Variants in PALM2AKAP2 observed in about 807,000 individuals in gnomAD.
The protein encoded by PALM2AKAP2 is PALM2-AKAP2 fusion protein.
In PALM2AKAP2, 37 loss-of-function variants were observed where a neutral mutation model predicts 71.5. The ratio of observed to expected loss-of-function variants is 0.52; its 90% CI spans 0.40 to 0.68. The LOEUF is 0.68. Ranked by LOEUF, PALM2AKAP2 falls within the 30% of genes least tolerant of loss-of-function variation. The pLI is 0.00. For missense variants in PALM2AKAP2, 1,224 were observed against 1,191.8 expected, an observed-to-expected ratio of 1.03 and a Z score of -0.40; for synonymous variants, 468 against 478.8, an observed-to-expected ratio of 0.98 and a Z score of 0.29.
intron 1 of PALM2AKAP2, among the ~76,000 whole-genome samples, chr9:110,066,886 A>G (rs1318980720): frequency 6.6e-6 from 1 of 152,126 alleles, no homozygotes; most frequent in Non-Finnish European, 1.5e-5. Flanking sequence ...GCAGGTATTC[A>G]TGATGCCTGT....
chr9:109,960,070 C>T (rs1831825363), intron 6 of PALM2AKAP2, among the ~76,000 whole-genome samples: 2 of 152,130 alleles, frequency 1.3e-5, no homozygotes, highest in Admixed American at 6.5e-5. Flanking sequence ...ACCTTAGTTC[C>T]CACTGATTCC....
At chr9:110,136,889 C>G (rs776011217) in exon 2 of PALM2AKAP2, 2 of 1,614,116 alleles carry the variant, frequency 1.2e-6, no homozygotes, top group South Asian at 2.2e-5. Flanking sequence ...GATGCTGGAG[C>G]TGGAAAAGGA....
intron 6 of PALM2AKAP2, among the ~76,000 whole-genome samples, chr9:109,988,964 C>G (rs1451483217): frequency 6.6e-6 from 1 of 152,172 alleles, no homozygotes; most frequent in Non-Finnish European, 1.5e-5. Flanking sequence ...CTCTCATTCT[C>G]TCTTGTCTGC....
chr9:109,895,843 A>C lies in PALM2AKAP2; in HGVS notation c.257+15162A>C, dbSNP rs142203486. ...AACTTACAATCATGGCAGAAGGGGA[A>C]GCAAACACATCCTTCTTTACATGGC... On this transcript the variant is annotated intron_variant, in intron 3 of 9. Transcript: ENST00000302798. Among the ~76,000 whole-genome samples the C allele has an allele frequency of 4.5e-3, 690 of 152,250 alleles. 7 individuals are homozygous for C. The highest frequency in any genetic ancestry group is 0.016 in the African/African-American group (666 of 41,542).
chr9:109,883,146 G>A (rs1245199897), intron 3 of PALM2AKAP2, among the ~76,000 whole-genome samples: 1 of 152,190 alleles, frequency 6.6e-6, no homozygotes, highest in Non-Finnish European at 1.5e-5. Flanking sequence ...ATTGGAAGGA[G>A]GTGTTGTGGG....
upstream of PALM2AKAP2, among the ~76,000 whole-genome samples, chr9:110,047,356 C>T (rs543688696): frequency 2.9e-4 from 44 of 152,324 alleles, no homozygotes; most frequent in African/African-American, 8.7e-4. Flanking sequence ...GAAGTCTTTT[C>T]TCTGAAGGTG....
At chr9:110,104,216 T>G (rs1835064701) in intron 1 of PALM2AKAP2, among the ~76,000 whole-genome samples, 1 of 151,938 alleles carries the variant, frequency 6.6e-6, no homozygotes, top group Non-Finnish European at 1.5e-5. Context: ...GTATTTTGAG[T>G]TCAATCTGGT....
intron 7 of PALM2AKAP2, chr9:110,025,316 A>G (rs986630274): frequency 8.3e-7 from 1 of 1,204,782 alleles, no homozygotes; most frequent in East Asian, 2.3e-5. Context: ...GGCCTAGAGA[A>G]CATATGTCGG....
intron 1 of PALM2AKAP2, among the ~76,000 whole-genome samples, chr9:109,757,196 C>T (rs941471478): frequency 2.6e-5 from 4 of 152,076 alleles, no homozygotes; most frequent in Non-Finnish European, 4.4e-5. Flanking sequence ...TTAGCTCCCA[C>T]GTATGAGTGA....
At chr9:109,937,470 A>T (rs77238888) in intron 6 of PALM2AKAP2, among the ~76,000 whole-genome samples, 1,914 of 152,316 alleles carry the variant, frequency 0.013, 19 homozygotes, top group Non-Finnish European at 0.019. Context: ...CCCTTTGAAT[A>T]AGCTAGCAAC....
At position 109,738,085 on chromosome 9, in the gene PALM2AKAP2, G is replaced by T. The variant is rs544346847; in HGVS notation, c.6-42403G>T. ...ACCAATATTGGAAAAAAAAGAAGTG[G>T]TACTCATTTACTGAGCACCAACTAT... On this transcript the variant is annotated intron_variant, in intron 1 of 6. Transcript: ENST00000374531. Among the ~76,000 whole-genome samples the T allele has an allele frequency of 2.6e-5, 4 of 152,272 alleles. No homozygotes were observed. The South Asian group carries it at 6.2e-4, about 24-fold the overall frequency.
intron 1 of PALM2AKAP2, among the ~76,000 whole-genome samples, chr9:110,118,310 A>C (rs1564314730): frequency 6.6e-6 from 1 of 151,888 alleles, no homozygotes; most frequent in Non-Finnish European, 1.5e-5. Flanking sequence ...GCAGTAGCAC[A>C]ATCTCGGCTC....
chr9:110,084,028 C>T (rs748107171), intron 1 of PALM2AKAP2, among the ~76,000 whole-genome samples: 3 of 152,172 alleles, frequency 2.0e-5, no homozygotes, highest in Non-Finnish European at 4.4e-5. Context: ...CCGCTGTGCT[C>T]CTGAAGCATG....
At chr9:109,765,468 GATCATGATCATC>G (rs57352957) in intron 1 of PALM2AKAP2, 38,974 of 141,620 alleles carry the variant, frequency 0.28, 5,200 homozygotes, top group South Asian at 0.44. Context: ...TCATGATCAT[GATCATGATCATC>G]ATCATCATCA....
rs1554737804 is a variant in PALM2AKAP2 at position 110,011,014 on chromosome 9, A to AATATATAT, written c.497-4924_497-4917dup. Among the ~76,000 whole-genome samples, 420 of 69,440 alleles carry AATATATAT rather than the reference A, an allele frequency of 6.0e-3. 11 individuals are homozygous for AATATATAT. The highest frequency in any genetic ancestry group is 0.016 in the African/African-American group (198 of 12,744). The allele number at this position is 69,440 out of a possible 152,430, so 45.6% of individuals were successfully genotyped here. On this transcript the variant is annotated intron_variant, in intron 6 of 9. Transcript: ENST00000302798. ...TCTGTCTCAAAAAAAAAAAAAAAAA[A>AATATATAT]ATATATATATATATATATATATACT...
chr9:110,051,867 C>G (rs1833716983), intron 1 of PALM2AKAP2, among the ~76,000 whole-genome samples: 1 of 150,754 alleles, frequency 6.6e-6, no homozygotes, highest in South Asian at 2.1e-4. Flanking sequence ...TCTTGATGAG[C>G]TTCAACAATT....
At chr9:110,077,305 GTTACTTGGCACA>G (rs1176282562) in intron 1 of PALM2AKAP2, among the ~76,000 whole-genome samples, 1 of 152,158 alleles carries the variant, frequency 6.6e-6, no homozygotes, top group Non-Finnish European at 1.5e-5. Context: ...CCTTTAGCAT[GTTACTTGGCACA>G]TTGCAAGTAC....
intron 1 of PALM2AKAP2, among the ~76,000 whole-genome samples, chr9:109,706,313 TGATA>T (rs1828143623): frequency 2.0e-5 from 3 of 152,148 alleles, no homozygotes; most frequent in African/African-American, 7.2e-5. Flanking sequence ...ATTATTTTTT[TGATA>T]TTCACTACCA....
chr9:109,742,616 G>C (rs1828732300), intron 1 of PALM2AKAP2, among the ~76,000 whole-genome samples: 1 of 152,082 alleles, frequency 6.6e-6, no homozygotes, highest in Non-Finnish European at 1.5e-5. Context: ...TTCCACTTGA[G>C]GTTGTTAGTC....
Sources: allele counts gnomAD v4.1 joint callset (sites outside exome capture counted in the v4.1 genomes callset), GRCh38; gene constraint gnomAD v4.1.1; transcripts MANE v1.5; gene names NCBI Gene and HGNC (gene_info 2026-07-23, HGNC 2026-07-21).